The following SHPRH variants were observed in gnomAD, a reference collection of about 807,000 sequenced individuals.
The protein encoded by SHPRH is SNF2 histone linker PHD RING helicase, also known as E3 ubiquitin-protein ligase SHPRH.
In SHPRH, 106 loss-of-function variants were observed where a neutral mutation model predicts 202.5. That is an observed-to-expected ratio of 0.52 (90% CI 0.45 to 0.62). The LOEUF is 0.62. Ranked by LOEUF, SHPRH falls within the 20% of genes least tolerant of loss-of-function variation. SHPRH has a pLI of 0.00. For synonymous variants in SHPRH, 729 were observed against 686.0 expected (o/e 1.06, Z -0.98); for missense variants, 1,710 against 2,020.0 (o/e 0.85, Z 2.94).
the SHPRH span, among the ~76,000 whole-genome samples, chr6:145,858,254 T>G: frequency 1.3e-5 from 2 of 152,136 alleles, no homozygotes; most frequent in Non-Finnish European, 2.9e-5. Context: ...ACACAAAGAC[T>G]TATTCATGTA....
rs114556356 is a variant in SHPRH, at chr6:145,864,292, G to A, written c.*31C>T. On this transcript the variant is annotated 3_prime_UTR_variant, in exon 3 of 3. Transcript: ENST00000417762. ...CTTACAGACATGTATTACTGAATAA[G>A]CCCCATAATTTTTACTTGTGCAAAA... 2.1e-3 allele frequency: 691 copies of A among 333,846 alleles called. 3 individuals are homozygous for A. Among genetic ancestry groups the A allele is most frequent in the African/African-American group, 0.014 (648 of 45,836 alleles). 20.7% of individuals were successfully genotyped at this position (333,846 alleles called of 1,614,324 possible).
chr6:145,902,750 T>C (rs1782613893), intron 25 of SHPRH, among the ~76,000 whole-genome samples: 1 of 152,110 alleles, frequency 6.6e-6, no homozygotes, highest in East Asian at 1.9e-4. Flanking sequence ...GACTATTCAA[T>C]TGTTATCCAT....
Position 145,938,397 on chromosome 6 carries a change from G to A in SHPRH, c.2569+2326C>T, listed in dbSNP as rs540032185. 6.6e-5 allele frequency among the ~76,000 whole-genome samples: 10 copies of A among 152,200 alleles called. No homozygotes were observed. The East Asian group carries it at 1.9e-3, about 29-fold the overall frequency. On this transcript the variant is annotated intron_variant, in intron 11 of 29. Transcript: ENST00000275233. ...GTTAAACAGACTTCCCTTCTTTGTA[G>A]TTATCCAGTCTGTGGTATCCTAACA...
chr6:145,864,604 AT>A (rs547513559), intron 2 of SHPRH: 14,071 of 149,498 alleles, frequency 0.094, 1,299 homozygotes, highest in African/African-American at 0.26. Context: ...AAAGAAAGAA[AT>A]TTTTTTTTTT....
At position 145,932,285 on chromosome 6, in the gene SHPRH, T is replaced by C. The variant is rs374486314; in HGVS notation, c.3112+772A>G. Reference sequence around the variant, plus strand: ...TATATAACTTTGCTTCCAGCCAAGATAGAGTAACAGACAATGGATTTACTC... The same window carrying C: ...TATATAACTTTGCTTCCAGCCAAGACAGAGTAACAGACAATGGATTTACTC... On this transcript the variant is annotated intron_variant, in intron 14 of 29. Transcript: ENST00000275233. 1.3e-4 allele frequency among the ~76,000 whole-genome samples: 20 copies of C among 152,288 alleles called. No homozygotes were observed. The South Asian group carries it at 3.3e-3, about 25-fold the overall frequency.
chr6:145,934,012 A>T (rs772206088), intron 13 of SHPRH, among the ~76,000 whole-genome samples: 17 of 152,138 alleles, frequency 1.1e-4, no homozygotes, highest in African/African-American at 1.7e-4. Context: ...AAATAATTTT[A>T]AAAAAAACCT....
At chr6:145,864,522 A>T (rs1394465010) in intron 2 of SHPRH, 2 of 244,810 alleles carry the variant, frequency 8.2e-6, no homozygotes, top group Admixed American at 5.1e-5. Flanking sequence ...AAATTAAAAA[A>T]TAAAAAATAA....
At chr6:145,864,117 A>G (rs1394581330), downstream of SHPRH, 1 of 161,636 alleles carries the variant, frequency 6.2e-6, no homozygotes, top group Non-Finnish European at 1.4e-5. Flanking sequence ...TTGACAAATT[A>G]GATCACTTCC....
At chr6:145,954,618 TCA>T in intron 2 of SHPRH, 70 bp downstream of exon 2, 2 of 1,478,586 alleles carry the variant, frequency 1.4e-6, no homozygotes, top group Non-Finnish European at 1.8e-6. Context: ...CAGACTTCTC[TCA>T]CAAGTTAATT....
intron 28 of SHPRH, among the ~76,000 whole-genome samples, chr6:145,888,694 GAAAT>G (rs1781324860): frequency 1.3e-5 from 2 of 152,148 alleles, no homozygotes; most frequent in Admixed American, 1.3e-4. Flanking sequence ...CTGTACTTTA[GAAAT>G]CCCTTTGGCA....
chr6:145,956,363 G>A (rs1788509612), intron 1 of SHPRH, among the ~76,000 whole-genome samples: 1 of 151,992 alleles, frequency 6.6e-6, no homozygotes, highest in East Asian at 1.9e-4. Context: ...TCACAATAAG[G>A]TATGCCATAA....
chr6:145,959,661 G>C (rs993513697), intron 1 of SHPRH, among the ~76,000 whole-genome samples: 2 of 152,190 alleles, frequency 1.3e-5, no homozygotes, highest in Non-Finnish European at 2.9e-5. Flanking sequence ...AGCGCTATGT[G>C]ACTAGTGGCT....
intron 1 of SHPRH, among the ~76,000 whole-genome samples, chr6:145,961,736 C>A (rs1333317953): frequency 6.6e-6 from 1 of 152,154 alleles, no homozygotes; most frequent in Non-Finnish European, 1.5e-5. Flanking sequence ...AAAGTCAACA[C>A]CAGAATTTCT....
At chr6:145,889,884 C>T (rs1326183253) in intron 28 of SHPRH, among the ~76,000 whole-genome samples, 4 of 152,154 alleles carry the variant, frequency 2.6e-5, no homozygotes, top group Admixed American at 2.6e-4. Flanking sequence ...AAAGGGAAGG[C>T]ATATGAGGTA....
At chr6:145,923,386 A>G (rs992629923) in intron 18 of SHPRH, among the ~76,000 whole-genome samples, 1 of 151,904 alleles carries the variant, frequency 6.6e-6, no homozygotes, top group African/African-American at 2.4e-5. Flanking sequence ...TGCTCACATT[A>G]TGAAGTGTAA....
Position 145,894,424 on chromosome 6 carries a change from T to G in SHPRH, c.4609-188A>C, listed in dbSNP as rs563434061. On this transcript the variant is annotated intron_variant, in intron 26 of 29. Transcript: ENST00000275233. ...TCTGAAATAGTAATTTTGTTTGTTT[T>G]TTTTTTTTTGCATCAAATGCTGGTT... Among the ~76,000 whole-genome samples, 9 of 151,422 alleles carry G rather than the reference T, an allele frequency of 5.9e-5. No individual in the cohort carries two copies. In the East Asian group the frequency reaches 1.2e-3, roughly 20 times the overall value.
At chr6:145,959,202 T>C (rs1427087217) in intron 1 of SHPRH, among the ~76,000 whole-genome samples, 1 of 152,192 alleles carries the variant, frequency 6.6e-6, no homozygotes, top group Non-Finnish European at 1.5e-5. Context: ...TCTACAGAAG[T>C]GTACAGTAAT....
At chr6:145,958,077 A>G (rs906344465) in intron 1 of SHPRH, among the ~76,000 whole-genome samples, 3 of 152,198 alleles carry the variant, frequency 2.0e-5, no homozygotes, top group African/African-American at 7.2e-5. Flanking sequence ...ACTATATACT[A>G]TATGATTCCA....
At chr6:145,867,669 G>GAGAGAGAGAT (rs1554220347) in intron 2 of SHPRH, among the ~76,000 whole-genome samples, 1 of 138,802 alleles carries the variant, frequency 7.2e-6, no homozygotes, top group East Asian at 2.1e-4. Context: ...GAGAGAGAGA[G>GAGAGAGAGAT]AGAGGTGAAG....
Sources: allele counts gnomAD v4.1 joint callset (sites outside exome capture counted in the v4.1 genomes callset), GRCh38; gene constraint gnomAD v4.1.1; transcripts MANE v1.5; gene names NCBI Gene and HGNC (gene_info 2026-07-23, HGNC 2026-07-21).